The following GUCY1A2 variants were observed in gnomAD, a reference collection of about 807,000 sequenced individuals.
The protein encoded by GUCY1A2 is guanylate cyclase 1 soluble subunit alpha 2.
Under a neutral mutation model 63.5 loss-of-function variants are expected in GUCY1A2, and 27 were observed. That is an observed-to-expected ratio of 0.43 (90% confidence interval 0.31 to 0.59). The LOEUF (loss-of-function observed/expected upper bound fraction) is 0.59. GUCY1A2 is among the 20% of genes least tolerant of loss of function. The pLI is 0.11. For missense variants in GUCY1A2, 768 were observed against 913.3 expected (o/e 0.84, Z 2.05); for synonymous variants, 364 against 343.5 (o/e 1.06, Z -0.66).
chr11:106,921,069 T>A (rs1860438250), intron 4 of GUCY1A2, among the ~76,000 whole-genome samples: 1 of 152,092 alleles, frequency 6.6e-6, no homozygotes, highest in South Asian at 2.1e-4. Flanking sequence ...GTGTATAAGG[T>A]CAACTGTTAC....
chr11:106,749,599 TAGA>T (rs1863849684), intron 6 of GUCY1A2, among the ~76,000 whole-genome samples: 1 of 152,038 alleles, frequency 6.6e-6, no homozygotes, highest in Non-Finnish European at 1.5e-5. Context: ...TTAACCAATA[TAGA>T]AGAACCAGTG....
At chr11:106,845,881 A>G (rs973520977) in intron 4 of GUCY1A2, among the ~76,000 whole-genome samples, 5 of 151,672 alleles carry the variant, frequency 3.3e-5, no homozygotes, top group African/African-American at 1.2e-4. Context: ...TTACCAAAGG[A>G]AAGTTTTCCT....
chr11:106,968,341 A>T (rs777127028), intron 3 of GUCY1A2, among the ~76,000 whole-genome samples: 2 of 152,236 alleles, frequency 1.3e-5, no homozygotes, highest in Non-Finnish European at 2.9e-5. Context: ...TAGCATAGAC[A>T]TAAGCATTTT....
chr11:106,780,977 C>G (rs1479242609), intron 5 of GUCY1A2, among the ~76,000 whole-genome samples: 1 of 151,912 alleles, frequency 6.6e-6, no homozygotes, highest in African/African-American at 2.4e-5. Context: ...TTAGTGGATT[C>G]CTTCAAAGTA....
At chr11:106,791,222 A>T (rs77860641) in intron 5 of GUCY1A2, among the ~76,000 whole-genome samples, 1 of 152,168 alleles carries the variant, frequency 6.6e-6, no homozygotes, top group African/African-American at 2.4e-5. Flanking sequence ...TGTCAGCTGA[A>T]TTCAGCCTGG....
chr11:106,692,707 T>A (rs917801587), intron 7 of GUCY1A2, among the ~76,000 whole-genome samples: 2 of 152,200 alleles, frequency 1.3e-5, no homozygotes, highest in Non-Finnish European at 2.9e-5. Flanking sequence ...AATCATTAAG[T>A]GCCTTCTGTG....
chr11:106,775,592 T>C (rs1022490246), intron 6 of GUCY1A2, among the ~76,000 whole-genome samples: 1 of 152,068 alleles, frequency 6.6e-6, no homozygotes, highest in Non-Finnish European at 1.5e-5. Flanking sequence ...TTTAACCCAA[T>C]ATTTTCATAA....
intron 4 of GUCY1A2, among the ~76,000 whole-genome samples, chr11:106,891,076 C>A (rs1385476465): frequency 2.0e-5 from 3 of 152,100 alleles, no homozygotes; most frequent in Non-Finnish European, 4.4e-5. Flanking sequence ...AATGGTTATA[C>A]CAGTTACATT....
chr11:106,837,020 G>T (rs1480245428), intron 4 of GUCY1A2, among the ~76,000 whole-genome samples: 1 of 151,696 alleles, frequency 6.6e-6, no homozygotes, highest in African/African-American at 2.4e-5. Flanking sequence ...TTGGTTCAGG[G>T]GTACATGTGT....
chr11:106,726,370 C>T (rs750742203), intron 6 of GUCY1A2, among the ~76,000 whole-genome samples: 2 of 151,974 alleles, frequency 1.3e-5, no homozygotes, highest in Non-Finnish European at 2.9e-5. Flanking sequence ...GAGCCGAGAC[C>T]GGGCCATTGT....
intron 4 of GUCY1A2, among the ~76,000 whole-genome samples, chr11:106,894,288 G>A (rs773199389): frequency 6.6e-6 from 1 of 152,134 alleles, no homozygotes; most frequent in African/African-American, 2.4e-5. Flanking sequence ...ACAACAGAGT[G>A]TCAAAACACA....
intron 2 of GUCY1A2, among the ~76,000 whole-genome samples, chr11:106,979,649 A>G (rs1861309674): frequency 6.6e-6 from 1 of 152,130 alleles, no homozygotes; most frequent in African/African-American, 2.4e-5. Flanking sequence ...ACTAAATAAC[A>G]CAATGCCTGT....
chr11:106,939,017 T>C (rs1860715474), intron 4 of GUCY1A2, among the ~76,000 whole-genome samples: 1 of 152,194 alleles, frequency 6.6e-6, no homozygotes, highest in Non-Finnish European at 1.5e-5. Flanking sequence ...GTAAACCAGA[T>C]GTTCCCAGAT....
intron 5 of GUCY1A2, among the ~76,000 whole-genome samples, chr11:106,787,227 G>A (rs900937205): frequency 2.6e-5 from 4 of 151,430 alleles, no homozygotes; most frequent in African/African-American, 9.7e-5. Flanking sequence ...ATCCTGTTGT[G>A]CCAGCAAATA....
intron 5 of GUCY1A2, among the ~76,000 whole-genome samples, chr11:106,795,150 A>G (rs1864731485): frequency 6.6e-6 from 1 of 152,168 alleles, no homozygotes; most frequent in Admixed American, 6.6e-5. Flanking sequence ...AAGTTACGTG[A>G]CTTACTCAGT....
At chr11:106,965,457 GTA>G (rs1591346801) in intron 3 of GUCY1A2, among the ~76,000 whole-genome samples, 1 of 152,142 alleles carries the variant, frequency 6.6e-6, no homozygotes, top group African/African-American at 2.4e-5. Flanking sequence ...GCATATATGT[GTA>G]TGTGTGTGTA....
intron 4 of GUCY1A2, chr11:106,827,834 G>A: frequency 6.3e-7 from 1 of 1,599,770 alleles, no homozygotes; most frequent in Non-Finnish European, 8.6e-7. Flanking sequence ...CGCCCGCGAT[G>A]CCGCCGCCGA....
chr11:106,693,787 GATT>G (rs1862668444), intron 7 of GUCY1A2, among the ~76,000 whole-genome samples: 1 of 151,948 alleles, frequency 6.6e-6, no homozygotes, highest in Non-Finnish European at 1.5e-5. Flanking sequence ...CTTGTGGTAT[GATT>G]ATTTTTTCTT....
intron 5 of GUCY1A2, among the ~76,000 whole-genome samples, chr11:106,795,919 C>T (rs1482760848): frequency 1.3e-5 from 2 of 152,216 alleles, no homozygotes; most frequent in East Asian, 3.9e-4. Flanking sequence ...GTTAAAATCT[C>T]CCACTATTAT....
Sources: gnomAD v4.1 joint callset for allele counts (sites outside exome capture counted in the v4.1 genomes callset) on GRCh38, gnomAD v4.1.1 for gene constraint, MANE v1.5 for transcripts, NCBI Gene and HGNC (gene_info 2026-07-23, HGNC 2026-07-21) for gene names.